Variants in COL3A1 observed in about 807,000 individuals in gnomAD.
COL3A1 encodes collagen alpha-1(III) chain.
In COL3A1, 46 loss-of-function variants were observed where a neutral mutation model predicts 200.9. The ratio of observed to expected loss-of-function variants is 0.23; its 90% CI spans 0.18 to 0.29. The LOEUF (loss-of-function observed/expected upper bound fraction) is 0.29, where lower values mean the gene tolerates loss of function less well. COL3A1 is among the 10% of genes least tolerant of loss of function. COL3A1 has a pLI of 1.00. For missense variants in COL3A1, 1,367 were observed against 1,917.6 expected, an observed-to-expected ratio of 0.71 and a Z score of 5.36; for synonymous variants, 650 against 628.0, an observed-to-expected ratio of 1.03 and a Z score of -0.52.
At chr2:188,991,580 T>C in intron 12 of COL3A1, 49 bp downstream of exon 12, 1 of 1,603,480 alleles carries the variant, frequency 6.2e-7, no homozygotes, top group South Asian at 1.1e-5. Flanking sequence ...TTAACCTCAT[T>C]GTTACCTAAA....
rs1454717661 is a variant in COL3A1, at chr2:188,985,275, A to G, written c.333+28A>G. On this transcript the variant is annotated intron_variant, in intron 3 of 50. Transcript: ENST00000304636. ...AAGTAAACATTCTTCAGTAGAATAA[A>G]ATTAATACTAATGATAATTCTAGTA... The G allele has an allele frequency of 5.2e-6, 8 of 1,536,954 alleles. No individual in the cohort carries two copies. In the Admixed American group the frequency reaches 1.3e-4, roughly 26 times the overall value.
At chr2:189,002,677 A>G (rs991502018) in intron 35 of COL3A1, among the ~76,000 whole-genome samples, 7 of 152,158 alleles carry the variant, frequency 4.6e-5, no homozygotes, top group Non-Finnish European at 1.0e-4. Flanking sequence ...TTCTCAAAAA[A>G]ATTTACTGGT....
chr2:189,005,854 T>C (rs534337844), intron 41 of COL3A1, among the ~76,000 whole-genome samples: 87 of 152,294 alleles, frequency 5.7e-4, no homozygotes, highest in Admixed American at 4.6e-4. Context: ...TACAATGTGA[T>C]GTTTTAATAT....
Position 188,994,140 on chromosome 2 carries a change from AT to A in COL3A1, c.1194+62del. ...TCCACACATTACTGGCTTCTTTTGC[AT>A]TTTGCATGACAATAGATTTGTGATA... On this transcript the variant is annotated intron_variant, in intron 17 of 50. Transcript: ENST00000304636. The surrounding 1 kb of genome is among the most constrained non-coding windows in gnomAD (Gnocchi z 4.5). 1.2e-6 allele frequency: 2 copies of A among 1,611,732 alleles called. No individual in the cohort carries two copies. Among genetic ancestry groups the A allele is most frequent in the Non-Finnish European group, 1.7e-6 (2 of 1,177,862 alleles).
Position 189,001,557 on chromosome 2 carries a change from C to A in COL3A1, c.2359C>A (p.Leu787Ile). 6.2e-7 allele frequency: 1 copy of A among 1,614,056 alleles called. No homozygotes were observed. The highest frequency in any genetic ancestry group is 1.3e-5 in the African/African-American group (1 of 74,990). ...GDKGEGGAPGLPGIAGPRGSP... is the reference protein window; with the variant it reads ...GDKGEGGAPGIPGIAGPRGSP... ...CCAGGGTGAAGGTGGTGCCCCCGGA[C>A]TTCCAGGTATAGCTGGACCTCGTGG... The change falls in exon 34 of 51, where the codon CTT (leucine) becomes ATT (isoleucine). Residue 787 changes from leucine to isoleucine, a missense_variant. Transcript: ENST00000304636.
rs948872375 is a variant in COL3A1 at position 189,012,347 on chromosome 2, C to T, written c.*573C>T. 2 of 152,756 alleles carry T rather than the reference C, an allele frequency of 1.3e-5. No homozygotes were observed. Among genetic ancestry groups the T allele is most frequent in the Non-Finnish European group, 2.9e-5 (2 of 68,488 alleles). The allele number at this position is 152,756 out of a possible 1,614,324, so 9.5% of individuals were successfully genotyped here. On this transcript the variant is annotated 3_prime_UTR_variant, in exon 51 of 51. Transcript: ENST00000304636. ...ATTTAAAGAAATATTTTTAAAGCCA[C>T]AATTATTTTAATATTGGATATCAAC... is the stretch of plus-strand genomic sequence containing the variant.
intron 1 of COL3A1, among the ~76,000 whole-genome samples, chr2:188,980,969 A>G (rs920628481): frequency 6.6e-6 from 1 of 151,394 alleles, no homozygotes; most frequent in Non-Finnish European, 1.5e-5. Flanking sequence ...ATAAGGATTT[A>G]GTAAGAAGAG....
In COL3A1 at chr2:188,997,347, A is replaced by G; in HGVS notation, c.1827A>G (p.Gly609=). 1.2e-6 allele frequency: 2 copies of G among 1,613,906 alleles called. No homozygotes were observed. The highest frequency in any genetic ancestry group is 1.7e-6 in the Non-Finnish European group (2 of 1,179,876). Residue 609 remains glycine, a synonymous_variant, in exon 26 of 51, where the codon GGA becomes GGG. Transcript: ENST00000304636. ...GTTCTTGTTTTTAGGGTCCTCCTGG[A>G]AAGAATGGTGAAACTGGACCTCAGG... ...PGGPGPQGPP[G]KNGETGPQGP... is the part of the protein sequence containing the mutation.
At position 189,009,175 on chromosome 2, in the gene COL3A1, T is replaced by C. The variant is rs34781844; in HGVS notation, c.3777T>C (p.Ala1259=). The part of the protein sequence containing the change: ...ISPDGSRKNP[A]RNCRDLKFCH... ...CTGATGGTTCTCGTAAAAACCCCGCTAGAAACTGCAGAGACCTGAAATTCT... is the reference window on the plus strand; with the variant it reads ...CTGATGGTTCTCGTAAAAACCCCGCCAGAAACTGCAGAGACCTGAAATTCT... The change falls in exon 48 of 51, where the codon GCT becomes GCC. Residue 1259 remains alanine, a synonymous_variant. Transcript: ENST00000304636. The C allele has an allele frequency of 4.2e-4, 673 of 1,614,066 alleles. No homozygotes were observed. Among genetic ancestry groups the C allele is most frequent in the Non-Finnish European group, 3.8e-4 (447 of 1,180,024 alleles).
At chr2:188,988,182 C>A in intron 6 of COL3A1, 48 bp downstream of exon 6, 2 of 1,469,814 alleles carry the variant, frequency 1.4e-6, no homozygotes, top group South Asian at 2.3e-5. Flanking sequence ...TTAGAAAAAT[C>A]AAATTAATAT....
rs537504747 is a variant in COL3A1 at position 189,006,064 on chromosome 2, C to T, written c.3040-142C>T. On this transcript the variant is annotated intron_variant, in intron 41 of 50. Transcript: ENST00000304636. Reference sequence around the variant, plus strand: ...TGTGACCCTTTGAAGGGCCACACTGCTTTGTAATATCTAAGATTTCTTACC... The same window carrying T: ...TGTGACCCTTTGAAGGGCCACACTGTTTTGTAATATCTAAGATTTCTTACC... 3.8e-6 allele frequency: 3 copies of T among 796,548 alleles called. No homozygotes were observed. In the South Asian group the frequency reaches 4.5e-5, roughly 12 times the overall value. 49.3% of individuals were successfully genotyped at this position (796,548 alleles called of 1,614,324 possible).
chr2:188,992,797 C>T, intron 14 of COL3A1, 90 bp from the exon 15 acceptor site: 1 of 997,390 alleles, frequency 1.0e-6, no homozygotes, highest in Non-Finnish European at 1.6e-6. Context: ...TAAATATCTT[C>T]TTTACTTTAT....
At chr2:189,006,824 C>A (rs1475935933) in intron 43 of COL3A1, 113 bp from the exon 44 acceptor site, 1 of 1,066,702 alleles carries the variant, frequency 9.4e-7, no homozygotes, top group Non-Finnish European at 1.4e-6. Flanking sequence ...CCAATAATTG[C>A]ATGCATACTA....
chr2:188,975,151 ATT>A (rs1195822888), intron 1 of COL3A1, among the ~76,000 whole-genome samples: 1 of 152,182 alleles, frequency 6.6e-6, no homozygotes, highest in African/African-American at 2.4e-5. Context: ...TCCTGTTTTT[ATT>A]TTGTTTCAAG....
At chr2:188,978,009 C>A in intron 1 of COL3A1, 1 of 365,506 alleles carries the variant, frequency 2.7e-6, no homozygotes, top group Non-Finnish European at 5.4e-6. Context: ...CTTGTATTTA[C>A]TTACCTGAGC....
chr2:189,011,868 A>C lies in COL3A1; in HGVS notation c.*94A>C, dbSNP rs983451508. On this transcript the variant is annotated 3_prime_UTR_variant, in exon 51 of 51. Coordinates refer to ENST00000304636, the MANE Select transcript of COL3A1 (RefSeq NM_000090.4). ...GTCAACCAGTGCAAGTGACCGACAA[A>C]ATTCCAGTTATTTATTTCCAAAATG... 1.5e-6 allele frequency: 2 copies of C among 1,370,098 alleles called. No individual in the cohort carries two copies. The highest frequency in any genetic ancestry group is 2.3e-5 in the East Asian group (1 of 43,216). The allele number at this position is 1,370,098 out of a possible 1,614,324, so 84.9% of individuals were successfully genotyped here. A position where few individuals can be genotyped will look rare whatever the true frequency, so the allele number is the denominator to read the frequency against.
rs755123291 is a variant in COL3A1, at chr2:188,985,792, G to A, written c.447+14G>A. ...ACTGGTCCTCAGGTATAACAATTACGGTACTTAAAAAATTCCCTCATAAAA... is the reference window on the plus strand; with the variant it reads ...ACTGGTCCTCAGGTATAACAATTACAGTACTTAAAAAATTCCCTCATAAAA... On this transcript the variant is annotated intron_variant, in intron 4 of 50. Transcript: ENST00000304636. 3.3e-5 allele frequency: 52 copies of A among 1,572,760 alleles called. No individual in the cohort carries two copies. The highest frequency in any genetic ancestry group is 4.4e-5 in the South Asian group (4 of 90,040).
chr2:188,985,020 T>C (rs1299161353), intron 2 of COL3A1, 58 bp downstream of exon 2: 3 of 1,514,592 alleles, frequency 2.0e-6, no homozygotes, highest in Non-Finnish European at 1.8e-6. Flanking sequence ...CATGAATAGC[T>C]CCTATATCAT....
In COL3A1 at chr2:188,992,321, G is replaced by GTATA. The variant is rs112545975; in HGVS notation, c.996+101_996+104dup. On this transcript the variant is annotated intron_variant, in intron 14 of 50. Transcript: ENST00000304636. The stretch of plus-strand genomic sequence containing the variant: ...ATTTTATATATGTATATACTCTTAG[G>GTATA]TATATATATATGCATATGTATATCT... 4 of 1,056,272 alleles carry GTATA rather than the reference G, an allele frequency of 3.8e-6. No individual in the cohort carries two copies. The African/African-American group carries it at 6.5e-5, about 17-fold the overall frequency. 65.4% of individuals were successfully genotyped at this position (1,056,272 alleles called of 1,614,324 possible).
Sources: allele counts gnomAD v4.1 joint callset (sites outside exome capture counted in the v4.1 genomes callset), GRCh38; gene constraint gnomAD v4.1.1; non-coding constraint Gnocchi (gnomAD v3.1); transcripts MANE v1.5; gene names NCBI Gene and HGNC (gene_info 2026-07-23, HGNC 2026-07-21).